The following TIAM2 variants were observed in gnomAD, a reference collection of about 807,000 sequenced individuals.
TIAM2 encodes rho guanine nucleotide exchange factor TIAM2.
Under a neutral mutation model 152.9 loss-of-function variants are expected in TIAM2, and 80 were observed. The ratio of observed to expected loss-of-function variants is 0.52; its 90% CI spans 0.44 to 0.63. TIAM2 has a LOEUF of 0.63. Among genes scored for constraint, TIAM2 ranks in the 30% least tolerant of loss-of-function variants. The pLI is 0.00. For missense variants in TIAM2, 1,965 were observed against 2,120.1 expected, an observed-to-expected ratio of 0.93 and a Z score of 1.44; for synonymous variants, 804 against 838.0, an observed-to-expected ratio of 0.96 and a Z score of 0.70.
rs62427087 is a variant in TIAM2 at position 155,100,671 on chromosome 6, T to C, written c.-118+10292T>C. Reference sequence around the variant, plus strand: ...TCAACAGTAAACAATTTAAACAAAATCCCTGCCTTCCTGCCTTGTGGAATT... The same window carrying C: ...TCAACAGTAAACAATTTAAACAAAACCCCTGCCTTCCTGCCTTGTGGAATT... On this transcript the variant is annotated intron_variant, in intron 2 of 26. Transcript: ENST00000682666. Among the ~76,000 whole-genome samples, 604 of 152,280 alleles carry C rather than the reference T, an allele frequency of 4.0e-3. 2 individuals are homozygous for C. Among genetic ancestry groups the C allele is most frequent in the Middle Eastern group, 6.8e-3 (2 of 294 alleles).
At chr6:155,231,159 C>T in intron 15 of TIAM2, among the ~76,000 whole-genome samples, 1 of 152,120 alleles carries the variant, frequency 6.6e-6, no homozygotes, top group East Asian at 1.9e-4. Context: ...CTTCCCTTAC[C>T]AGTAAATCAC....
intron 16 of TIAM2, 103 bp downstream of exon 16, chr6:155,240,812 T>C: frequency 1.6e-6 from 2 of 1,234,220 alleles, no homozygotes; most frequent in South Asian, 3.0e-5. Context: ...CACCTGCCAC[T>C]CCCCAGGGGG....
chr6:155,058,387 AT>A (rs1342866438), intron 1 of TIAM2, among the ~76,000 whole-genome samples: 4 of 152,212 alleles, frequency 2.6e-5, no homozygotes, highest in African/African-American at 9.6e-5. Flanking sequence ...CAGAGAAGCA[AT>A]TCCAGCCTGT....
At chr6:155,110,125 G>A (rs576423524) in intron 2 of TIAM2, among the ~76,000 whole-genome samples, 6 of 151,246 alleles carry the variant, frequency 4.0e-5, no homozygotes, top group African/African-American at 1.2e-4. Context: ...ATTTTTTTTT[G>A]TATTTTTAGT....
intron 15 of TIAM2, among the ~76,000 whole-genome samples, chr6:155,230,282 GC>G (rs1297161983): frequency 6.6e-6 from 1 of 152,180 alleles, no homozygotes; most frequent in East Asian, 1.9e-4. Flanking sequence ...ACTCGCACCT[GC>G]CAGACCCTGC....
At chr6:155,093,270 A>C (rs1778342908) in intron 2 of TIAM2, among the ~76,000 whole-genome samples, 2 of 152,220 alleles carry the variant, frequency 1.3e-5, no homozygotes, top group Admixed American at 6.5e-5. Flanking sequence ...CACTCCTGGC[A>C]TGGTGCCTAC....
intron 15 of TIAM2, among the ~76,000 whole-genome samples, chr6:155,238,836 C>T (rs1385433234): frequency 6.6e-6 from 1 of 152,224 alleles, no homozygotes; most frequent in African/African-American, 2.4e-5. Flanking sequence ...ACTGTTTCTA[C>T]TTCTTTGGAG....
rs548355965 is a variant in TIAM2, at chr6:155,186,650, T to C, written c.3064+3150T>C. On this transcript the variant is annotated intron_variant, in intron 14 of 26. Coordinates refer to ENST00000682666, the MANE Select transcript of TIAM2 (RefSeq NM_012454.4). The surrounding 1 kb of genome is among the most constrained non-coding windows in gnomAD (Gnocchi z 4.5). ...AGCCCAGCGTTTCACTTGGCAGGAA[T>C]TCTGAAAACGTGCTTCTCCTCCTCC... is the stretch of plus-strand genomic sequence containing the variant. 7.7e-4 allele frequency among the ~76,000 whole-genome samples: 118 copies of C among 152,328 alleles called. No individual in the cohort carries two copies. Among genetic ancestry groups the C allele is most frequent in the Admixed American group, 2.6e-3 (40 of 15,306 alleles).
At chr6:155,145,156 T>C (rs1408183895) in intron 6 of TIAM2, among the ~76,000 whole-genome samples, 1 of 152,150 alleles carries the variant, frequency 6.6e-6, no homozygotes, top group Non-Finnish European at 1.5e-5. Flanking sequence ...TGGGAGAGGC[T>C]TGGGTTCTTG....
chr6:155,169,185 T>A (rs1314207712), intron 9 of TIAM2, among the ~76,000 whole-genome samples: 1 of 152,128 alleles, frequency 6.6e-6, no homozygotes, highest in Admixed American at 6.5e-5. Flanking sequence ...TTAGTAGACA[T>A]GGGGTTTCAC....
At chr6:155,006,645 G>A (rs150593148) in intron 1 of TIAM2, among the ~76,000 whole-genome samples, 28 of 141,064 alleles carry the variant, frequency 2.0e-4, no homozygotes, top group African/African-American at 6.9e-4. Flanking sequence ...CAGCCTGGGC[G>A]ACATTTTTAG....
chr6:155,008,040 G>A (rs1374519568), intron 1 of TIAM2, among the ~76,000 whole-genome samples: 4 of 152,278 alleles, frequency 2.6e-5, no homozygotes, highest in East Asian at 1.9e-4. Flanking sequence ...GGGTTGTTCC[G>A]AAATATGTGG....
chr6:155,238,477 C>T (rs752556483), intron 15 of TIAM2, among the ~76,000 whole-genome samples: 15 of 152,224 alleles, frequency 9.9e-5, no homozygotes, highest in African/African-American at 2.4e-4. Flanking sequence ...AAAAGAGAAG[C>T]GATTCTACTG....
chr6:155,155,016 G>A (rs1334520287), intron 7 of TIAM2, among the ~76,000 whole-genome samples: 2 of 152,138 alleles, frequency 1.3e-5, no homozygotes, highest in African/African-American at 4.8e-5. Context: ...ACAAACCACT[G>A]GAGTGTAGCA....
Position 155,156,381 on chromosome 6 carries a change from G to T in TIAM2, c.2029-8034G>T, listed in dbSNP as rs1780114318. On this transcript the variant is annotated intron_variant, in intron 7 of 26. Transcript: ENST00000682666. The surrounding 1 kb of genome is among the most constrained non-coding windows in gnomAD (Gnocchi z 4.4). ...TCGGAAAAGCACATCTGGGTCAGGT[G>T]CAGTGGCTCATGCCTGTAATCCCAG... 6.6e-6 allele frequency among the ~76,000 whole-genome samples: 1 copy of T among 152,168 alleles called. No homozygotes were observed. The highest frequency in any genetic ancestry group is 1.5e-5 in the Non-Finnish European group (1 of 68,024).
In TIAM2 at chr6:155,190,608, C is replaced by T. The variant is rs1009685996; in HGVS notation, c.3064+7108C>T. Among the ~76,000 whole-genome samples, 9 of 152,272 alleles carry T rather than the reference C, an allele frequency of 5.9e-5. No individual in the cohort carries two copies. The East Asian group carries it at 7.7e-4, about 13-fold the overall frequency. On this transcript the variant is annotated intron_variant, in intron 14 of 26. Transcript: ENST00000682666. ...AAAAATCAGTCTTGGCTTTTCTCTC[C>T]GAACATTAACTATAAATACAACTTT...
chr6:155,102,241 T>C (rs1778567965), intron 2 of TIAM2, among the ~76,000 whole-genome samples: 1 of 152,308 alleles, frequency 6.6e-6, no homozygotes, highest in Non-Finnish European at 1.5e-5. Context: ...CTGCCTGTCT[T>C]GGCCTCCCAA....
At chr6:155,012,039 A>G (rs1778498831) in intron 1 of TIAM2, among the ~76,000 whole-genome samples, 1 of 152,212 alleles carries the variant, frequency 6.6e-6, no homozygotes, top group Non-Finnish European at 1.5e-5. Flanking sequence ...CAAGAGAAGT[A>G]TTGTAAATAT....
chr6:155,185,432 T>A (rs1392104886), intron 14 of TIAM2, among the ~76,000 whole-genome samples: 2 of 151,954 alleles, frequency 1.3e-5, no homozygotes, highest in African/African-American at 4.8e-5. Context: ...CGGCTGTTTT[T>A]CTTTTCTTTT....
Sources: gnomAD v4.1 joint callset for allele counts (sites outside exome capture counted in the v4.1 genomes callset) on GRCh38, gnomAD v4.1.1 for gene constraint, Gnocchi (gnomAD v3.1) non-coding constraint, MANE v1.5 for transcripts, NCBI Gene and HGNC (gene_info 2026-07-23, HGNC 2026-07-21) for gene names.